STT3B: variants seen among roughly 807,000 people sequenced by gnomAD.
STT3B encodes the protein STT3 oligosaccharyltransferase complex catalytic subunit B, also known as dolichyl-diphosphooligosaccharide--protein glycosyltransferase subunit STT3B.
STT3B carries 29 observed loss-of-function variants against 96.8 expected under a neutral mutation model. The observed-to-expected ratio is 0.30, with a 90% CI of 0.22 to 0.41. The LOEUF (loss-of-function observed/expected upper bound fraction) is 0.41, where lower values mean the gene tolerates loss of function less well. Among genes scored for constraint, STT3B ranks in the 10% least tolerant of loss-of-function variants. The pLI, the probability that STT3B is intolerant of heterozygous loss-of-function variation, is 1.00. For synonymous variants in STT3B, 367 were observed against 360.0 expected (o/e 1.02, Z -0.22); for missense variants, 640 against 1,022.3 (o/e 0.63, Z 5.10).
At chr3:31,535,284 G>A (rs1020341058) in intron 1 of STT3B, among the ~76,000 whole-genome samples, 3 of 151,588 alleles carry the variant, frequency 2.0e-5, no homozygotes. Context: ...TAATGAAAAG[G>A]CTCAACAAGT....
intron 3 of STT3B, among the ~76,000 whole-genome samples, chr3:31,587,509 G>C (rs1698569131): frequency 1.3e-5 from 2 of 152,040 alleles, no homozygotes; most frequent in African/African-American, 4.8e-5. Context: ...CTCCCAAAGT[G>C]TGAGCGACCT....
chr3:31,599,099 G>A (rs1698864404), intron 4 of STT3B, among the ~76,000 whole-genome samples: 1 of 152,186 alleles, frequency 6.6e-6, no homozygotes, highest in Non-Finnish European at 1.5e-5. Flanking sequence ...GTGAGCCAAT[G>A]TGCCCAGCCA....
intron 15 of STT3B, among the ~76,000 whole-genome samples, chr3:31,635,713 CTT>C (rs1699743352): frequency 6.6e-6 from 1 of 152,118 alleles, no homozygotes; most frequent in African/African-American, 2.4e-5. Flanking sequence ...CAGCTCAGCA[CTT>C]TGTGGTTGAG....
At chr3:31,537,110 C>A (rs1431674438) in intron 1 of STT3B, among the ~76,000 whole-genome samples, 3 of 152,160 alleles carry the variant, frequency 2.0e-5, no homozygotes, top group Non-Finnish European at 4.4e-5. Flanking sequence ...CGCCTTTTTG[C>A]TGGGCAGAAA....
At chr3:31,599,916 G>A (rs1698891565) in intron 4 of STT3B, among the ~76,000 whole-genome samples, 1 of 151,954 alleles carries the variant, frequency 6.6e-6, no homozygotes. Flanking sequence ...ATTTTTTTTA[G>A]TTGTCAGTGA....
chr3:31,572,015 C>CATATTAATATATGAT (rs1553603998), intron 1 of STT3B, among the ~76,000 whole-genome samples: 1 of 131,954 alleles, frequency 7.6e-6, no homozygotes, highest in Non-Finnish European at 1.6e-5. Flanking sequence ...TTTTATTAAA[C>CATATTAATATATGAT]ATATTAATAT....
At chr3:31,539,621 A>G (rs1264071017) in intron 1 of STT3B, among the ~76,000 whole-genome samples, 1 of 152,122 alleles carries the variant, frequency 6.6e-6, no homozygotes, top group Non-Finnish European at 1.5e-5. Context: ...ACCTCTTCAC[A>G]ATCCGGGCTG....
chr3:31,604,318 A>C (rs1432805592), intron 5 of STT3B, among the ~76,000 whole-genome samples: 1 of 152,202 alleles, frequency 6.6e-6, no homozygotes, highest in Admixed American at 6.5e-5. Context: ...TATTGAGTAC[A>C]TTAAAAGTAA....
intron 1 of STT3B, among the ~76,000 whole-genome samples, chr3:31,561,561 T>C (rs1453577748): frequency 6.6e-6 from 1 of 151,742 alleles, no homozygotes; most frequent in African/African-American, 2.4e-5. Flanking sequence ...CATCCCCACC[T>C]CCCCACCAAA....
intron 13 of STT3B, among the ~76,000 whole-genome samples, chr3:31,628,730 C>G (rs1699588837): frequency 6.6e-6 from 1 of 152,112 alleles, no homozygotes. Flanking sequence ...CTTAAGAAAA[C>G]TCTGAAAAGG....
Position 31,626,098 on chromosome 3 carries a change from G to C in STT3B, c.2044G>C (p.Ala682Pro), listed in dbSNP as rs1699531005. 6.2e-7 allele frequency: 1 copy of C among 1,613,438 alleles called. No homozygotes were observed. Among genetic ancestry groups the C allele is most frequent in the Non-Finnish European group, 8.5e-7 (1 of 1,179,802 alleles). ...INKFLWMVRI[A>P]EGEHPKDIRE... ...CAAATTTCTCTGGATGGTTAGGATAGCTGAAGGAGAACATCCCAAAGACAT... is the reference window on the plus strand; with the variant it reads ...CAAATTTCTCTGGATGGTTAGGATACCTGAAGGAGAACATCCCAAAGACAT... The change falls in exon 13 of 16, where the codon GCT becomes CCT. Residue 682 changes from alanine (A) to proline (P), a missense_variant. Ala to Pro is a conservative substitution (Grantham distance 27, BLOSUM62 -1). Coordinates refer to ENST00000295770, the MANE Select transcript of STT3B (RefSeq NM_178862.3).
At position 31,631,083 on chromosome 3, in the gene STT3B, G is replaced by A. The variant is rs537294463; in HGVS notation, c.2187+1672G>A. The stretch of plus-strand genomic sequence containing the variant: ...GCTGGGATTACAGGCATGAGCCACC[G>A]CGCCCAGCCCCAAGTTTTATCCTTT... On this transcript the variant is annotated intron_variant, in intron 14 of 15. Coordinates refer to ENST00000295770, the MANE Select transcript of STT3B (RefSeq NM_178862.3). Among the ~76,000 whole-genome samples, 6 of 152,270 alleles carry A rather than the reference G, an allele frequency of 3.9e-5. No homozygotes were observed. The South Asian group carries it at 6.2e-4, about 16-fold the overall frequency.
At chr3:31,586,139 C>A (rs1254099315) in intron 3 of STT3B, among the ~76,000 whole-genome samples, 1 of 152,038 alleles carries the variant, frequency 6.6e-6, no homozygotes, top group East Asian at 1.9e-4. Context: ...TTAAATTTTA[C>A]CCATTCTTGT....
chr3:31,544,569 C>A (rs1462726266), intron 1 of STT3B, among the ~76,000 whole-genome samples: 1 of 152,146 alleles, frequency 6.6e-6, no homozygotes, highest in Non-Finnish European at 1.5e-5. Context: ...GATGTTTTTG[C>A]TTTTAAAAAT....
rs764559581 is a variant in STT3B, at chr3:31,636,271, CAG to C, written c.*210_*211del. 3.2e-5 allele frequency: 13 copies of C among 411,234 alleles called. No homozygotes were observed. The highest frequency in any genetic ancestry group is 5.3e-5 in the Non-Finnish European group (12 of 224,332). The allele number at this position is 411,234 out of a possible 1,614,324, so 25.5% of individuals were successfully genotyped here. A position where few individuals can be genotyped will look rare whatever the true frequency, so the allele number is the denominator to read the frequency against. Reference sequence around the variant, plus strand: ...TTTCGATTTCTAATGTGAAGCAAGACAGAGCACTGCTGTAAATGTCTAGCAGC... The same window carrying C: ...TTTCGATTTCTAATGTGAAGCAAGACAGCACTGCTGTAAATGTCTAGCAGC... On this transcript the variant is annotated 3_prime_UTR_variant, in exon 16 of 16. Coordinates refer to ENST00000295770, the MANE Select transcript of STT3B (RefSeq NM_178862.3).
Position 31,623,683 on chromosome 3 carries a change from G to A in STT3B, c.1549G>A (p.Val517Met), listed in dbSNP as rs751562865. Residue 517 changes from valine to methionine, a missense_variant, in exon 11 of 16, where the codon GTG becomes ATG. This residue lies in a region of STT3B where 149 missense variants were observed against 250.2 expected (regional missense o/e 0.60). Coordinates refer to ENST00000295770, the MANE Select transcript of STT3B (RefSeq NM_178862.3). ...QGNLYDKAGK[V>M]RKHATEQEKT... ...TTTTTAATATCTTTAGGCAGGTAAA[G>A]TGAGGAAACATGCAACTGAACAGGA... The A allele has an allele frequency of 6.2e-7, 1 of 1,608,502 alleles. No homozygotes were observed. The highest frequency in any genetic ancestry group is 8.5e-7 in the Non-Finnish European group (1 of 1,176,446).
chr3:31,633,443 C>G (rs1049006172), intron 15 of STT3B, among the ~76,000 whole-genome samples: 3 of 152,072 alleles, frequency 2.0e-5, no homozygotes, highest in African/African-American at 7.2e-5. Flanking sequence ...CTTTCCAAAC[C>G]TGTATGAAAG....
chr3:31,559,007 GT>G (rs1697791887), intron 1 of STT3B, among the ~76,000 whole-genome samples: 1 of 150,084 alleles, frequency 6.7e-6, no homozygotes, highest in South Asian at 2.1e-4. Flanking sequence ...CTAATTTGTA[GT>G]GTCTTTGTTT....
intron 1 of STT3B, among the ~76,000 whole-genome samples, chr3:31,534,803 A>T (rs903779922): frequency 6.6e-6 from 1 of 152,220 alleles, no homozygotes; most frequent in African/African-American, 2.4e-5. Context: ...TTTGTTTTCT[A>T]ACACTAGTTT....
Sources: allele counts gnomAD v4.1 joint callset (sites outside exome capture counted in the v4.1 genomes callset), GRCh38; gene constraint gnomAD v4.1.1; regional missense constraint gnomAD v4.1.1; transcripts MANE v1.5; gene names NCBI Gene and HGNC (gene_info 2026-07-23, HGNC 2026-07-21).